The following AVEN variants were observed in gnomAD, a reference collection of about 807,000 sequenced individuals.
AVEN encodes the protein cell death regulator Aven.
In AVEN, 41 loss-of-function variants were observed where a neutral mutation model predicts 38.1. The ratio of observed to expected loss-of-function variants is 1.08; its 90% CI spans 0.84 to 1.40. The LOEUF (loss-of-function observed/expected upper bound fraction) is 1.40, where lower values mean the gene tolerates loss of function less well. AVEN is among the 40% of genes most tolerant of loss of function. The pLI is 0.00. For missense variants in AVEN, 605 were observed against 438.8 expected, an observed-to-expected ratio of 1.38 and a Z score of -3.38; for synonymous variants, 206 against 171.8, an observed-to-expected ratio of 1.20 and a Z score of -1.56.
intron 2 of AVEN, among the ~76,000 whole-genome samples, chr15:33,924,342 C>A (rs1460175059): frequency 7.0e-6 from 1 of 143,404 alleles, no homozygotes; most frequent in Non-Finnish European, 1.5e-5. Context: ...TGCACTCCAG[C>A]CTAGGTGACA....
chr15:33,897,507 C>T (rs985707871), intron 2 of AVEN, among the ~76,000 whole-genome samples: 2 of 151,980 alleles, frequency 1.3e-5, no homozygotes, highest in African/African-American at 4.8e-5. Context: ...TGACCTCAGG[C>T]GATCTGCCTG....
At chr15:33,865,482 T>TCAAGTTTTC (rs1198312466), downstream of AVEN, 2 of 419,720 alleles carry the variant, frequency 4.8e-6, no homozygotes, top group Admixed American at 8.1e-5. Context: ...GCAAATGCCT[T>TCAAGTTTTC]CAAGTTTTCC....
At chr15:33,920,113 G>C (rs113368695) in intron 2 of AVEN, among the ~76,000 whole-genome samples, 1 of 152,008 alleles carries the variant, frequency 6.6e-6, no homozygotes. Flanking sequence ...GGATTAATGA[G>C]ATTTCTTCTT....
At position 33,887,938 on chromosome 15, in the gene AVEN, G is replaced by T. The variant is rs75887287; in HGVS notation, c.446-11943C>A. Among the ~76,000 whole-genome samples, 56 of 152,194 alleles carry T rather than the reference G, an allele frequency of 3.7e-4. No individual in the cohort carries two copies. The East Asian group carries it at 8.7e-3, about 24-fold the overall frequency. The stretch of plus-strand genomic sequence containing the variant: ...CCGGGTCCAATGCCTGGAGTTGAAA[G>T]CCCAACAACACCATCAGCAATCTTG... On this transcript the variant is annotated intron_variant, in intron 2 of 5. Transcript: ENST00000306730.
At chr15:33,911,479 G>A (rs992387923) in intron 2 of AVEN, among the ~76,000 whole-genome samples, 4 of 152,106 alleles carry the variant, frequency 2.6e-5, no homozygotes, top group Admixed American at 1.3e-4. Flanking sequence ...TTCTTTCACA[G>A]TAACTTAGAA....
At chr15:33,982,427 A>C (rs1361037536) in intron 2 of AVEN, among the ~76,000 whole-genome samples, 2 of 152,232 alleles carry the variant, frequency 1.3e-5, no homozygotes, top group Non-Finnish European at 2.9e-5. Context: ...AAAGGAAAAA[A>C]ATAAATGGAA....
At chr15:33,882,560 T>TA (rs1891533550) in intron 2 of AVEN, among the ~76,000 whole-genome samples, 1 of 44,962 alleles carries the variant, frequency 2.2e-5, no homozygotes, top group Non-Finnish European at 7.0e-5. Flanking sequence ...AGCAAAAATG[T>TA]TAAAAAAAAA....
At chr15:33,927,186 T>C (rs1056876229) in intron 2 of AVEN, among the ~76,000 whole-genome samples, 3 of 151,298 alleles carry the variant, frequency 2.0e-5, no homozygotes, top group African/African-American at 7.3e-5. Context: ...ACCCGAGAGG[T>C]GGAGCTTGCA....
chr15:33,993,247 CG>C (rs1234854778), intron 2 of AVEN, among the ~76,000 whole-genome samples: 15 of 152,132 alleles, frequency 9.9e-5, no homozygotes, highest in Non-Finnish European at 1.9e-4. Flanking sequence ...GCTCTTGAAA[CG>C]TAACTTAGAA....
rs548740212 is a variant in AVEN at position 33,914,108 on chromosome 15, G to A, written c.446-38113C>T. Among the ~76,000 whole-genome samples the A allele has an allele frequency of 2.6e-5, 4 of 152,096 alleles. No homozygotes were observed. In the South Asian group the frequency reaches 8.4e-4, roughly 32 times the overall value. ...ACCCATAGAAGGTGCTTACATTTGA[G>A]GAATGGGAGGAGTGGAATGTCAGTT... On this transcript the variant is annotated intron_variant, in intron 2 of 5. Transcript: ENST00000306730.
intron 1 of AVEN, among the ~76,000 whole-genome samples, chr15:34,019,775 G>A (rs541196977): frequency 3.3e-5 from 5 of 152,200 alleles, no homozygotes; most frequent in Non-Finnish European, 7.3e-5. Context: ...TGGGTGTACA[G>A]TAGGCTACAC....
At chr15:33,900,465 G>A (rs1345109609) in intron 2 of AVEN, among the ~76,000 whole-genome samples, 4 of 151,962 alleles carry the variant, frequency 2.6e-5, no homozygotes, top group African/African-American at 7.3e-5. Context: ...GAGCCACCAC[G>A]CCCAGTTGAT....
exon 1 of AVEN, among the ~76,000 whole-genome samples, chr15:34,074,601 A>T (rs1180820561): frequency 6.6e-6 from 1 of 151,976 alleles, no homozygotes; most frequent in Non-Finnish European, 1.5e-5. Context: ...GTCTCCTCAT[A>T]TCATCTTCTC....
intron 11 of AVEN, chr15:33,861,046 C>T (rs1172137072): frequency 6.7e-7 from 1 of 1,482,066 alleles, no homozygotes; most frequent in Non-Finnish European, 9.3e-7. Flanking sequence ...ATTATGCCAA[C>T]AAATGCCTTT....
chr15:33,990,637 G>A (rs762282058), intron 2 of AVEN: 1 of 152,180 alleles, frequency 6.6e-6, no homozygotes, highest in East Asian at 1.9e-4. Flanking sequence ...CTCTGCTAGC[G>A]ATCCTATGGC....
chr15:34,064,409 A>G, intron 4 of AVEN: 1 of 1,407,704 alleles, frequency 7.1e-7, no homozygotes, highest in Non-Finnish European at 9.4e-7. Flanking sequence ...TTTCAAAAAG[A>G]AGACATCTCA....
At chr15:34,031,230 A>G (rs190426460) in intron 1 of AVEN, among the ~76,000 whole-genome samples, 2 of 125,480 alleles carry the variant, frequency 1.6e-5, no homozygotes, top group African/African-American at 3.1e-5. Flanking sequence ...GCTGGAATGC[A>G]ATGGCGCGAT....
At chr15:33,868,322 G>C (rs1025486401) in intron 4 of AVEN, among the ~76,000 whole-genome samples, 4 of 152,152 alleles carry the variant, frequency 2.6e-5, no homozygotes, top group African/African-American at 9.6e-5. Flanking sequence ...AGGAGATTGA[G>C]ACCATCCTGG....
At chr15:34,042,077 A>T (rs1475967857), upstream of AVEN, among the ~76,000 whole-genome samples, 1 of 152,226 alleles carries the variant, frequency 6.6e-6, no homozygotes, top group African/African-American at 2.4e-5. Context: ...GATACGGTAT[A>T]TGCTGTCCTC....
Sources: gnomAD v4.1 joint callset for allele counts (sites outside exome capture counted in the v4.1 genomes callset) on GRCh38, gnomAD v4.1.1 for gene constraint, MANE v1.5 for transcripts, NCBI Gene and HGNC (gene_info 2026-07-23, HGNC 2026-07-21) for gene names.